Variants in SH2D2A observed in about 807,000 individuals in gnomAD.
The protein encoded by SH2D2A is SH2 domain containing 2A, also known as SH2 domain-containing protein 2A.
SH2D2A carries 33 observed loss-of-function variants against 43.6 expected under a neutral mutation model. That is an observed-to-expected ratio of 0.76 (90% confidence interval 0.57 to 1.01). The LOEUF is 1.01. Among genes scored for constraint, SH2D2A ranks in the 50% least tolerant of loss-of-function variants. SH2D2A has a pLI of 0.00. For missense variants in SH2D2A, 491 were observed against 503.1 expected (o/e 0.98, Z 0.23); for synonymous variants, 212 against 206.1 (o/e 1.03, Z -0.25).
At chr1:156,808,358 G>A (rs1311751937) in intron 7 of SH2D2A, among the ~76,000 whole-genome samples, 3 of 152,152 alleles carry the variant, frequency 2.0e-5, no homozygotes, top group East Asian at 1.9e-4. Flanking sequence ...GCTGTTGGCC[G>A]TGTTGAGTTT....
In SH2D2A at chr1:156,807,404, T is replaced by C; in HGVS notation, c.1003-59A>G. 3 of 1,393,662 alleles carry C rather than the reference T, an allele frequency of 2.2e-6. No individual in the cohort carries two copies. Among genetic ancestry groups the C allele is most frequent in the Non-Finnish European group, 1.9e-6 (2 of 1,056,416 alleles). The allele number at this position is 1,393,662 out of a possible 1,614,324, so 86.3% of individuals were successfully genotyped here. ...TCTACCCTCTGCCTCCTAGGTGTAC[T>C]TGCAGTCTCAAGACATCTGATCTGA... On this transcript the variant is annotated intron_variant, in intron 7 of 8. Coordinates refer to ENST00000368199, the MANE Select transcript of SH2D2A (RefSeq NM_003975.4). This position sits in a 1 kb window ranked among gnomAD's most constrained non-coding sequence, Gnocchi z 5.1.
intron 4 of SH2D2A, 35 bp from the exon 5 acceptor site, chr1:156,814,051 G>C (rs886959068): frequency 1.3e-6 from 2 of 1,490,566 alleles, no homozygotes; most frequent in Non-Finnish European, 1.8e-6. Flanking sequence ...ACTATCTCCC[G>C]CTCCTCGGCC....
In SH2D2A at chr1:156,809,489, G is replaced by A. The variant is rs1373538151; in HGVS notation, c.716C>T (p.Pro239Leu). 6.9e-6 allele frequency: 11 copies of A among 1,597,580 alleles called. No homozygotes were observed. In the South Asian group the frequency reaches 1.0e-4, roughly 15 times the overall value. ...AGGCTTGGGCCTGAGCAGCTGGGAG[G>A]GCTGGGAGAGAAGGTGAGGCCAGGG... is the stretch of plus-strand genomic sequence containing the variant. Reference protein sequence around the residue: ...MQKEGAGEKEPSQLLRPKPPI... With the variant: ...MQKEGAGEKELSQLLRPKPPI... Residue 239 changes from proline to leucine, a missense_variant and splice_region_variant, in exon 7 of 9, where the codon CCC becomes CTC. By Grantham distance (98) the Pro-to-Leu change is moderately conservative (BLOSUM62 -3). Transcript: ENST00000368199. The surrounding 1 kb of genome is among the most constrained non-coding windows in gnomAD (Gnocchi z 4.8).
intron 5 of SH2D2A, among the ~76,000 whole-genome samples, chr1:156,813,423 G>A (rs947551908): frequency 6.6e-6 from 1 of 152,212 alleles, no homozygotes. Flanking sequence ...GGGGCCTAGA[G>A]GGGGGAAGCT....
At chr1:156,813,168 T>TAAAA (rs1381246997) in intron 5 of SH2D2A, among the ~76,000 whole-genome samples, 1 of 152,088 alleles carries the variant, frequency 6.6e-6, no homozygotes, top group Non-Finnish European at 1.5e-5. Context: ...TCTCTTACAT[T>TAAAA]AAAAAACAAA....
chr1:156,808,586 C>A (rs2102790929), intron 7 of SH2D2A, among the ~76,000 whole-genome samples: 1 of 152,046 alleles, frequency 6.6e-6, no homozygotes. Flanking sequence ...TTTGGGAGGG[C>A]CGCAGAGGCC....
chr1:156,814,412 G>A (rs989875639), intron 3 of SH2D2A, 118 bp from the exon 4 acceptor site: 1 of 1,500,042 alleles, frequency 6.7e-7, no homozygotes, highest in African/African-American at 1.4e-5. Flanking sequence ...AGCGGCTAGA[G>A]AAAGGCTAGG....
chr1:156,809,713 T>C lies in SH2D2A; in HGVS notation c.662A>G (p.Lys221Arg), dbSNP rs201469782. 4.3e-4 allele frequency: 687 copies of C among 1,613,756 alleles called. No homozygotes were observed. The highest frequency in any genetic ancestry group is 5.7e-4 in the Non-Finnish European group (670 of 1,179,948). ...CATCGGGACTGGGGCTTGCCCCTGT[T>C]TGATGATTGGGCTGTACTGGGGGTT... ...DPNPQYSPII[K>R]QGQAPVPMQK... Residue 221 changes from lysine (K) to arginine (R), a missense_variant, in exon 6 of 9, where the codon AAA becomes AGA. Coordinates refer to ENST00000368199, the MANE Select transcript of SH2D2A (RefSeq NM_003975.4). The surrounding 1 kb of genome is among the most constrained non-coding windows in gnomAD (Gnocchi z 4.8).
Position 156,809,262 on chromosome 1 carries a change from C to T in SH2D2A, c.943G>A (p.Ala315Thr), listed in dbSNP as rs147765972. The T allele has an allele frequency of 4.3e-5, 69 of 1,613,890 alleles. No homozygotes were observed. The highest frequency in any genetic ancestry group is 4.2e-4 in the East Asian group (19 of 44,884). The change falls in exon 7 of 9, where the codon GCC becomes ACC. Residue 315 changes from alanine to threonine, a missense_variant. Coordinates refer to ENST00000368199, the MANE Select transcript of SH2D2A (RefSeq NM_003975.4). This position sits in a 1 kb window ranked among gnomAD's most constrained non-coding sequence, Gnocchi z 4.8. ...CGTAGGACAGGGTGCCCAAGGGTGG[C>T]GGGTAGGCCCTCATCTTCCACTTCC... is the stretch of plus-strand genomic sequence containing the variant. The part of the protein sequence containing the change: ...YVEVEDEGLP[A>T]TLGHPVLRKS...
At chr1:156,813,819 G>A (rs1558066084) in intron 5 of SH2D2A, 29 bp downstream of exon 5, 7 of 1,392,656 alleles carry the variant, frequency 5.0e-6, no homozygotes, top group African/African-American at 1.5e-5. Flanking sequence ...GAGACCCTGG[G>A]CTCTCTGGTC....
At position 156,816,082 on chromosome 1, in the gene SH2D2A, G is replaced by GT. The variant is rs1308457440; in HGVS notation, c.46_47insA (p.Ala16AspfsTer42). 1 of 1,613,610 alleles carries GT rather than the reference G, an allele frequency of 6.2e-7. No homozygotes were observed. The highest frequency in any genetic ancestry group is 2.2e-5 in the East Asian group (1 of 44,884). On this transcript the variant is annotated frameshift_variant, in exon 2 of 9. Transcript: ENST00000368199. LOFTEE classifies it high-confidence loss of function. The stretch of plus-strand genomic sequence containing the variant: ...GAAGGTGCTGAAGGTTGGGATGGGG[G>GT]CTTCGTGACTCCCTGTGAGCACAAA...
chr1:156,816,383 G>A (rs1360973693), intron 1 of SH2D2A, among the ~76,000 whole-genome samples: 1 of 152,174 alleles, frequency 6.6e-6, no homozygotes, highest in African/African-American at 2.4e-5. Context: ...TCACTTCAGG[G>A]CAGGCCCTTC....
intron 5 of SH2D2A, among the ~76,000 whole-genome samples, chr1:156,810,173 C>T (rs1653314237): frequency 6.6e-6 from 1 of 151,674 alleles, no homozygotes; most frequent in African/African-American, 2.4e-5. Flanking sequence ...GTAGCTGGGA[C>T]TACAGGCATG....
At chr1:156,812,009 G>A (rs553289433) in intron 5 of SH2D2A, among the ~76,000 whole-genome samples, 24 of 152,110 alleles carry the variant, frequency 1.6e-4, no homozygotes, top group Non-Finnish European at 3.1e-4. Context: ...TGAACTGCAC[G>A]TGTAGAAAAC....
chr1:156,811,332 T>C (rs1029757789), intron 5 of SH2D2A, among the ~76,000 whole-genome samples: 9 of 152,276 alleles, frequency 5.9e-5, no homozygotes, highest in Non-Finnish European at 1.3e-4. Flanking sequence ...CAATCCACTC[T>C]CCAGTCTTCG....
rs750425454 is a variant in SH2D2A, at chr1:156,816,051, G to C, written c.78C>G (p.Ile26Met). Reference sequence around the variant, plus strand: ...GGCAGCTCCTGCGGGTCATGTCTGTGATCTGGAAGGTGCTGAAGGTTGGGA... The same window carrying C: ...GGCAGCTCCTGCGGGTCATGTCTGTCATCTGGAAGGTGCTGAAGGTTGGGA... ...APIPTFSTFQITDMTRRSCQN... is the reference protein window; with the variant it reads ...APIPTFSTFQMTDMTRRSCQN... Residue 26 changes from isoleucine to methionine, a missense_variant, in exon 2 of 9, where the codon ATC (isoleucine) becomes ATG (methionine). By Grantham distance (10) the Ile-to-Met change is conservative. Coordinates refer to ENST00000368199, the MANE Select transcript of SH2D2A (RefSeq NM_003975.4). 1.2e-6 allele frequency: 2 copies of C among 1,613,984 alleles called. No individual in the cohort carries two copies. Among genetic ancestry groups the C allele is most frequent in the African/African-American group, 2.7e-5 (2 of 74,912 alleles).
intron 4 of SH2D2A, 25 bp downstream of exon 4, chr1:156,814,180 C>T: frequency 6.2e-7 from 1 of 1,612,352 alleles, no homozygotes; most frequent in Non-Finnish European, 8.5e-7. Context: ...CCTTGTGTCG[C>T]CCGGCGCGGG....
At chr1:156,810,625 A>G (rs139209013) in intron 5 of SH2D2A, among the ~76,000 whole-genome samples, 1,820 of 151,740 alleles carry the variant, frequency 0.012, 41 homozygotes, top group African/African-American at 0.042. Flanking sequence ...GGTTCAAGAC[A>G]TTCTCCTGCC....
chr1:156,813,732 C>T, intron 5 of SH2D2A, 116 bp downstream of exon 5: 1 of 1,012,214 alleles, frequency 9.9e-7, no homozygotes, highest in Non-Finnish European at 1.3e-6. Flanking sequence ...GAGGCATGCC[C>T]GAGTGGTGTT....
Sources: allele counts gnomAD v4.1 joint callset (sites outside exome capture counted in the v4.1 genomes callset), GRCh38; gene constraint gnomAD v4.1.1; non-coding constraint Gnocchi (gnomAD v3.1); transcripts MANE v1.5; gene names NCBI Gene and HGNC (gene_info 2026-07-23, HGNC 2026-07-21).